The following AMPH variants were observed in gnomAD, a reference collection of about 807,000 sequenced individuals.
The protein encoded by AMPH is amphiphysin (Stiff-Mann syndrome with breast cancer 128kD autoantigen).
Under a neutral mutation model 99.1 loss-of-function variants are expected in AMPH, and 49 were observed. That is an observed-to-expected ratio of 0.49 (90% CI 0.39 to 0.63). The LOEUF is 0.63. Ranked by LOEUF, AMPH falls within the 20% of genes least tolerant of loss-of-function variation. The probability of loss-of-function intolerance (pLI) is 0.00; values close to 1 mark genes in which losing one functional copy is unlikely to be tolerated. For synonymous variants in AMPH, 314 were observed against 317.3 expected (o/e 0.99, Z 0.11); for missense variants, 759 against 863.4 (o/e 0.88, Z 1.52).
At position 38,501,112 on chromosome 7, in the gene AMPH, G is replaced by A. The variant is rs1003714893; in HGVS notation, c.205+2538C>T. Among the ~76,000 whole-genome samples the A allele has an allele frequency of 5.9e-5, 9 of 152,182 alleles. 1 individual carries two copies. The highest frequency in any genetic ancestry group is 1.4e-4 in the African/African-American group (6 of 41,438). On this transcript the variant is annotated intron_variant, in intron 3 of 20. Coordinates refer to ENST00000356264, the MANE Select transcript of AMPH (RefSeq NM_001635.4). ...CCAGGGCTCTGGAGAAACACAGAAC[G>A]AAATATGCAATCTGGCCCTGTTGTT...
intron 1 of AMPH, among the ~76,000 whole-genome samples, chr7:38,558,226 C>T (rs1363487738): frequency 1.3e-5 from 2 of 152,196 alleles, no homozygotes; most frequent in African/African-American, 2.4e-5. Flanking sequence ...ATCAAGAGCA[C>T]ATAACAGATG....
intron 9 of AMPH, chr7:38,464,198 A>G: frequency 8.6e-7 from 1 of 1,164,034 alleles, no homozygotes; most frequent in Non-Finnish European, 1.1e-6. Context: ...TACAATTTTC[A>G]GATGAATTTG....
intron 12 of AMPH, among the ~76,000 whole-genome samples, chr7:38,435,993 T>C (rs1170199035): frequency 6.6e-6 from 1 of 152,192 alleles, no homozygotes; most frequent in African/African-American, 2.4e-5. Context: ...TGAACAGTTC[T>C]GAGTGCAACG....
chr7:38,627,654 C>CAAAA (rs34354956), intron 1 of AMPH, among the ~76,000 whole-genome samples: 1 of 96,996 alleles, frequency 1.0e-5, no homozygotes, highest in African/African-American at 4.0e-5. Flanking sequence ...GACTCTGTCT[C>CAAAA]AAAAAAAAAA....
chr7:38,534,152 G>A (rs1426145377), intron 2 of AMPH, among the ~76,000 whole-genome samples: 4 of 152,022 alleles, frequency 2.6e-5, no homozygotes, highest in Admixed American at 6.5e-5. Flanking sequence ...TCTAAGATAT[G>A]TTTATCTATG....
At chr7:38,594,689 C>T (rs113755066) in intron 1 of AMPH, among the ~76,000 whole-genome samples, 357 of 151,982 alleles carry the variant, frequency 2.3e-3, no homozygotes, top group Middle Eastern at 0.01. Context: ...AATATGAAAT[C>T]GAGACTACTA....
chr7:38,630,220 A>G (rs530075344), intron 1 of AMPH, among the ~76,000 whole-genome samples: 2 of 152,324 alleles, frequency 1.3e-5, no homozygotes, highest in East Asian at 3.9e-4. Flanking sequence ...AGTGATACCA[A>G]TCATGGGGCT....
At chr7:38,513,235 T>G (rs1485185418) in intron 2 of AMPH, among the ~76,000 whole-genome samples, 1 of 152,192 alleles carries the variant, frequency 6.6e-6, no homozygotes, top group Non-Finnish European at 1.5e-5. Context: ...AGTGGCCACA[T>G]TCTCTTGTTT....
intron 1 of AMPH, among the ~76,000 whole-genome samples, chr7:38,610,654 A>G (rs1369888718): frequency 6.6e-6 from 1 of 152,128 alleles, no homozygotes; most frequent in Non-Finnish European, 1.5e-5. Context: ...AAATGTTACA[A>G]ATGAGGAAAG....
intron 4 of AMPH, among the ~76,000 whole-genome samples, chr7:38,494,151 G>T (rs1054919057): frequency 6.6e-6 from 1 of 152,042 alleles, no homozygotes; most frequent in Non-Finnish European, 1.5e-5. Context: ...TGGAGACGAG[G>T]TTTCACTATT....
chr7:38,541,017 TAAAAAAA>T (rs60200785), intron 1 of AMPH, among the ~76,000 whole-genome samples: 13 of 97,696 alleles, frequency 1.3e-4, no homozygotes, highest in African/African-American at 4.5e-4. Flanking sequence ...TTTCTGTTCT[TAAAAAAA>T]AAAAAAAAAA....
intron 12 of AMPH, among the ~76,000 whole-genome samples, chr7:38,433,036 C>T (rs1363154416): frequency 6.6e-6 from 1 of 152,162 alleles, no homozygotes; most frequent in Non-Finnish European, 1.5e-5. Flanking sequence ...CCGATTATGC[C>T]CATGTCTTTG....
At position 38,513,373 on chromosome 7, in the gene AMPH, G is replaced by A. The variant is rs553876363; in HGVS notation, c.151-9669C>T. Reference sequence around the variant, plus strand: ...ACAGGGTGATGATTTTTGCAGAAACGAACAGGAGACACCCATTGAACCTGG... The same window carrying A: ...ACAGGGTGATGATTTTTGCAGAAACAAACAGGAGACACCCATTGAACCTGG... On this transcript the variant is annotated intron_variant, in intron 2 of 20. Coordinates refer to ENST00000356264, the MANE Select transcript of AMPH (RefSeq NM_001635.4). Among the ~76,000 whole-genome samples the A allele has an allele frequency of 3.3e-5, 5 of 152,246 alleles. No homozygotes were observed. The East Asian group carries it at 5.8e-4, about 18-fold the overall frequency.
At position 38,467,640 on chromosome 7, in the gene AMPH, A is replaced by G. The variant is rs202117956; in HGVS notation, c.591-1392T>C. On this transcript the variant is annotated intron_variant, in intron 7 of 20. Coordinates refer to ENST00000356264, the MANE Select transcript of AMPH (RefSeq NM_001635.4). ...CTCTATTTATACTTACAATGGAAATATGTGTGTGTGTGTGTGTGTGTGTGT... is the reference window on the plus strand; with the variant it reads ...CTCTATTTATACTTACAATGGAAATGTGTGTGTGTGTGTGTGTGTGTGTGT... Among the ~76,000 whole-genome samples the G allele has an allele frequency of 7.1e-3, 1,051 of 148,840 alleles. 18 individuals carry two copies. The highest frequency in any genetic ancestry group is 0.024 in the African/African-American group (966 of 40,304).
chr7:38,605,766 G>A (rs1793414706), intron 1 of AMPH, among the ~76,000 whole-genome samples: 1 of 151,916 alleles, frequency 6.6e-6, no homozygotes, highest in African/African-American at 2.4e-5. Flanking sequence ...ATTTTAAGTA[G>A]AGACAGGGTT....
intron 1 of AMPH, among the ~76,000 whole-genome samples, chr7:38,547,355 A>G (rs1791029023): frequency 6.6e-6 from 1 of 152,176 alleles, no homozygotes; most frequent in Admixed American, 6.5e-5. Flanking sequence ...CACACTCCTA[A>G]AAAAGCATCA....
intron 20 of AMPH, among the ~76,000 whole-genome samples, chr7:38,388,526 T>A (rs1335157677): frequency 6.6e-6 from 1 of 152,122 alleles, no homozygotes; most frequent in Non-Finnish European, 1.5e-5. Context: ...TATTTAATGA[T>A]CATTATGAAA....
intron 20 of AMPH, among the ~76,000 whole-genome samples, chr7:38,387,989 CT>C (rs1490513122): frequency 6.6e-6 from 1 of 151,768 alleles, no homozygotes; most frequent in African/African-American, 2.4e-5. Flanking sequence ...AAAAAATCAA[CT>C]CAGATTTCTA....
At chr7:38,590,996 T>G (rs1346352475) in intron 1 of AMPH, among the ~76,000 whole-genome samples, 1 of 152,222 alleles carries the variant, frequency 6.6e-6, no homozygotes, top group East Asian at 1.9e-4. Context: ...TAAGTTGACA[T>G]TCACCTATTT....
Sources: gnomAD v4.1 joint callset for allele counts (sites outside exome capture counted in the v4.1 genomes callset) on GRCh38, gnomAD v4.1.1 for gene constraint, MANE v1.5 for transcripts, NCBI Gene and HGNC (gene_info 2026-07-23, HGNC 2026-07-21) for gene names.